HDAC9: variants seen among roughly 807,000 people sequenced by gnomAD.
HDAC9 encodes the protein MEF-2 interacting transcription repressor (MITR) protein.
Under a neutral mutation model 139.4 loss-of-function variants are expected in HDAC9, and 41 were observed. The observed-to-expected ratio is 0.29, with a 90% CI of 0.23 to 0.38. The LOEUF (loss-of-function observed/expected upper bound fraction) is 0.38, where lower values mean the gene tolerates loss of function less well. HDAC9 is among the 10% of genes least tolerant of loss of function. The pLI is 1.00. For synonymous variants in HDAC9, 517 were observed against 476.2 expected, an observed-to-expected ratio of 1.09 and a Z score of -1.12; for missense variants, 1,147 against 1,297.0, an observed-to-expected ratio of 0.88 and a Z score of 1.78.
At chr7:18,370,850 T>C (rs906563356) in intron 1 of HDAC9, among the ~76,000 whole-genome samples, 2 of 152,158 alleles carry the variant, frequency 1.3e-5, no homozygotes, top group Non-Finnish European at 2.9e-5. Context: ...ATGGACTTGT[T>C]GAAATATTGC....
chr7:18,208,950 C>A (rs888771674), intron 2 of HDAC9, among the ~76,000 whole-genome samples: 6 of 152,166 alleles, frequency 3.9e-5, no homozygotes, highest in Non-Finnish European at 5.9e-5. Context: ...TTATTATATA[C>A]AACTTAATTG....
chr7:18,542,255 A>G (rs1273334588), intron 2 of HDAC9, among the ~76,000 whole-genome samples: 2 of 152,210 alleles, frequency 1.3e-5, no homozygotes, highest in Non-Finnish European at 2.9e-5. Context: ...GGTTAGGAGC[A>G]TATCTGAAGC....
chr7:18,341,148 C>T (rs1781976127), intron 1 of HDAC9, among the ~76,000 whole-genome samples: 1 of 151,454 alleles, frequency 6.6e-6, no homozygotes. Context: ...AAGATTTTCC[C>T]CTACCTCCAT....
chr7:18,886,729 T>C (rs764713169), intron 22 of HDAC9, among the ~76,000 whole-genome samples: 5 of 152,186 alleles, frequency 3.3e-5, no homozygotes, highest in East Asian at 3.9e-4. Flanking sequence ...AGTGACTGAA[T>C]AGAATCCCAA....
At chr7:18,458,805 T>A in intron 1 of HDAC9, 2 of 1,447,210 alleles carry the variant, frequency 1.4e-6, no homozygotes, top group Non-Finnish European at 1.9e-6. Context: ...CCATGGAGGG[T>A]CCTTCCTTCT....
chr7:18,104,475 A>T (rs1392601301), intron 1 of HDAC9, among the ~76,000 whole-genome samples: 2 of 152,178 alleles, frequency 1.3e-5, no homozygotes. Context: ...TTAAATCCTT[A>T]TGCTGACTTT....
chr7:18,891,696 A>G (rs188877703), intron 22 of HDAC9, among the ~76,000 whole-genome samples: 11 of 152,240 alleles, frequency 7.2e-5, no homozygotes, highest in Non-Finnish European at 1.6e-4. Flanking sequence ...GAAAGTTGTA[A>G]TCAACTTTCA....
In HDAC9 at chr7:18,340,625, C is replaced by T. The variant is rs1022353558; in HGVS notation, c.-42+50110C>T. The stretch of plus-strand genomic sequence containing the variant: ...ATATTATAGCATTTCATGTATATCA[C>T]GGGAATTTTACCAAAAGTGTGTTTC... On this transcript the variant is annotated intron_variant, in intron 1 of 3. Transcript: ENST00000413509. 6.6e-5 allele frequency among the ~76,000 whole-genome samples: 10 copies of T among 151,598 alleles called. No individual in the cohort carries two copies. In the East Asian group the frequency reaches 1.6e-3, roughly 24 times the overall value.
chr7:18,900,447 T>C (rs757389369), intron 22 of HDAC9, among the ~76,000 whole-genome samples: 3 of 152,170 alleles, frequency 2.0e-5, no homozygotes, highest in Non-Finnish European at 4.4e-5. Context: ...AGAGACGCCT[T>C]ACCTTTGCCC....
chr7:18,779,061 C>T (rs564009138), intron 16 of HDAC9, among the ~76,000 whole-genome samples: 36 of 152,030 alleles, frequency 2.4e-4, no homozygotes, highest in Non-Finnish European at 5.0e-4. Flanking sequence ...GGAATCTGAA[C>T]GTCTTCCCTG....
intron 22 of HDAC9, among the ~76,000 whole-genome samples, chr7:18,933,250 C>T (rs560717747): frequency 1.3e-5 from 2 of 152,212 alleles, no homozygotes; most frequent in African/African-American, 2.4e-5. Flanking sequence ...ATAAAGACTG[C>T]CAAGTAAAGA....
At chr7:18,702,815 GTTTTGTCTTAACA>G (rs538301879) in intron 12 of HDAC9, among the ~76,000 whole-genome samples, 71 of 152,324 alleles carry the variant, frequency 4.7e-4, no homozygotes, top group African/African-American at 1.7e-3. Context: ...CAACACTGCG[GTTTTGTCTTAACA>G]TTTAGTAAGC....
At chr7:18,741,688 T>G (rs1258960483) in intron 13 of HDAC9, among the ~76,000 whole-genome samples, 1 of 152,194 alleles carries the variant, frequency 6.6e-6, no homozygotes, top group Non-Finnish European at 1.5e-5. Flanking sequence ...AGGCTATACC[T>G]TCCATAGACA....
chr7:18,366,636 A>C (rs1189733771), intron 1 of HDAC9, among the ~76,000 whole-genome samples: 1 of 152,068 alleles, frequency 6.6e-6, no homozygotes, highest in Non-Finnish European at 1.5e-5. Flanking sequence ...TCCTTCAAAA[A>C]ATTTGAGAAT....
chr7:18,569,567 G>A (rs1202448248), intron 2 of HDAC9, among the ~76,000 whole-genome samples: 1 of 152,132 alleles, frequency 6.6e-6, no homozygotes, highest in Non-Finnish European at 1.5e-5. Context: ...TAATGCTGAT[G>A]GTTTTCTCAA....
chr7:18,733,495 C>T (rs1239429609), intron 13 of HDAC9, among the ~76,000 whole-genome samples: 3 of 151,396 alleles, frequency 2.0e-5, no homozygotes, highest in East Asian at 1.9e-4. Context: ...TCAAAAAACT[C>T]TTCCAAAATT....
chr7:18,242,811 C>T (rs965746785), intron 2 of HDAC9, among the ~76,000 whole-genome samples: 15 of 152,082 alleles, frequency 9.9e-5, no homozygotes, highest in African/African-American at 3.4e-4. Flanking sequence ...CAAGAGATTT[C>T]TATGAATCTC....
chr7:18,696,786 T>C (rs1219107156), intron 12 of HDAC9, among the ~76,000 whole-genome samples: 3 of 152,098 alleles, frequency 2.0e-5, no homozygotes, highest in Admixed American at 6.6e-5. Context: ...TTATTATTAC[T>C]TGACTTAGGA....
At chr7:18,500,423 C>T (rs1380595060) in intron 2 of HDAC9, among the ~76,000 whole-genome samples, 1 of 152,078 alleles carries the variant, frequency 6.6e-6, no homozygotes, top group Non-Finnish European at 1.5e-5. Flanking sequence ...ATGATATAAC[C>T]TAATGCAACA....
Sources: gnomAD v4.1 joint callset for allele counts (sites outside exome capture counted in the v4.1 genomes callset) on GRCh38, gnomAD v4.1.1 for gene constraint, MANE v1.5 for transcripts, NCBI Gene and HGNC (gene_info 2026-07-23, HGNC 2026-07-21) for gene names.